The following CDH2 variants were observed in gnomAD, a reference collection of about 807,000 sequenced individuals.
CDH2 encodes cadherin-2.
A neutral mutation model predicts 92.0 loss-of-function variants in CDH2; 17 were observed. The ratio of observed to expected loss-of-function variants is 0.18; its 90% CI spans 0.13 to 0.28. The LOEUF (loss-of-function observed/expected upper bound fraction) is 0.28, where lower values mean the gene tolerates loss of function less well. Among genes scored for constraint, CDH2 ranks in the 10% least tolerant of loss-of-function variants. The pLI is 1.00. For missense variants in CDH2, 862 were observed against 1,133.1 expected, an observed-to-expected ratio of 0.76 and a Z score of 3.44; for synonymous variants, 419 against 415.9, an observed-to-expected ratio of 1.01 and a Z score of -0.09.
At chr18:28,010,476 C>T (rs1296253764) in intron 4 of CDH2, among the ~76,000 whole-genome samples, 3 of 152,042 alleles carry the variant, frequency 2.0e-5, no homozygotes, top group Admixed American at 1.3e-4. Flanking sequence ...TTTTTATGCT[C>T]GCAAACATTA....
intron 14 of CDH2, among the ~76,000 whole-genome samples, chr18:27,978,556 T>A (rs2011928128): frequency 1.3e-5 from 2 of 150,628 alleles, no homozygotes; most frequent in African/African-American, 4.9e-5. Context: ...AGATAAATTA[T>A]GGACTTAATA....
chr18:28,157,990 A>G (rs1452586095), intron 1 of CDH2, among the ~76,000 whole-genome samples: 2 of 152,170 alleles, frequency 1.3e-5, no homozygotes, highest in East Asian at 3.9e-4. Context: ...AACTCTTTAT[A>G]CACTTTATTT....
At chr18:28,150,321 A>G (rs2016101869) in intron 1 of CDH2, among the ~76,000 whole-genome samples, 1 of 152,230 alleles carries the variant, frequency 6.6e-6, no homozygotes, top group Non-Finnish European at 1.5e-5. Context: ...GTAGTAGAGT[A>G]TGCGGGTTTG....
At chr18:27,953,498 C>A (rs1200099080) in intron 15 of CDH2, among the ~76,000 whole-genome samples, 1 of 152,020 alleles carries the variant, frequency 6.6e-6, no homozygotes, top group Non-Finnish European at 1.5e-5. Context: ...ATGGCCTCAC[C>A]TATCTAAGAT....
At chr18:28,008,404 G>A (rs1941180) in intron 5 of CDH2, among the ~76,000 whole-genome samples, 25,799 of 152,100 alleles carry the variant, frequency 0.17, 2,460 homozygotes, top group South Asian at 0.3. Flanking sequence ...AGGTCTTTGG[G>A]AAGAGAAAGT....
At position 28,158,101 on chromosome 18, in the gene CDH2, G is replaced by A. The variant is rs141982627; in HGVS notation, c.61-10317C>T. On this transcript the variant is annotated intron_variant, in intron 1 of 15. Coordinates refer to ENST00000269141, the MANE Select transcript of CDH2 (RefSeq NM_001792.5). ...ATGGTTACAGATGTTTACAGTCCCC[G>A]GAACTCTGATTTAATTTGAGTAGCT... 8.1e-4 allele frequency among the ~76,000 whole-genome samples: 123 copies of A among 152,208 alleles called. 1 individual carries two copies. In the East Asian group the frequency reaches 0.02, roughly 25 times the overall value.
intron 14 of CDH2, among the ~76,000 whole-genome samples, chr18:27,971,788 T>C (rs537113350): frequency 2.8e-4 from 43 of 152,348 alleles, no homozygotes; most frequent in Admixed American, 1.5e-3. Flanking sequence ...TAACAAAGCA[T>C]GCTTTAGCCA....
chr18:28,023,346 CAG>C (rs1282182145), intron 2 of CDH2, among the ~76,000 whole-genome samples: 3 of 152,112 alleles, frequency 2.0e-5, no homozygotes, highest in African/African-American at 4.8e-5. Flanking sequence ...CATTTTGAGA[CAG>C]AGTCTTGCTT....
chr18:28,117,063 G>A (rs1410286906), intron 2 of CDH2, among the ~76,000 whole-genome samples: 1 of 151,950 alleles, frequency 6.6e-6, no homozygotes, highest in Admixed American at 6.6e-5. Flanking sequence ...TCTAATTTTT[G>A]AAGTTTGAGA....
chr18:28,167,747 C>A (rs1249619329), intron 1 of CDH2, among the ~76,000 whole-genome samples: 1 of 152,028 alleles, frequency 6.6e-6, no homozygotes, highest in Non-Finnish European at 1.5e-5. Flanking sequence ...TTGACACTTC[C>A]ATAAAGTAAA....
intron 2 of CDH2, among the ~76,000 whole-genome samples, chr18:28,144,956 C>T (rs1166905678): frequency 6.6e-6 from 1 of 151,960 alleles, no homozygotes; most frequent in East Asian, 1.9e-4. Flanking sequence ...CTCTTTAAAC[C>T]ACAGTCCAGT....
intron 6 of CDH2, among the ~76,000 whole-genome samples, chr18:27,941,579 T>C (rs1197335604): frequency 6.6e-6 from 1 of 152,182 alleles, no homozygotes; most frequent in African/African-American, 2.4e-5. Flanking sequence ...GCCCTGTATA[T>C]CCAGTTATTA....
In CDH2 at chr18:27,990,349, G is replaced by A. The variant is rs776502285; in HGVS notation, c.1346C>T (p.Pro449Leu). The change falls in exon 10 of 16, where the codon CCA becomes CTA. Residue 449 changes from proline to leucine, a missense_variant and splice_region_variant. This residue lies in a region of CDH2 where 564 missense variants were observed against 722.2 expected (regional missense o/e 0.78). Coordinates refer to ENST00000269141, the MANE Select transcript of CDH2 (RefSeq NM_001792.5). ...CATCCTATTTGTTTCAAAGTCGATTGGCTGGAAAATAAAAGGGAAGCCATA... is the reference window on the plus strand; with the variant it reads ...CATCCTATTTGTTTCAAAGTCGATTAGCTGGAAAATAAAAGGGAAGCCATA... ...SNDGLVTVVK[P>L]IDFETNRMFV... 1 of 1,605,258 alleles carries A rather than the reference G, an allele frequency of 6.2e-7. No homozygotes were observed. Among genetic ancestry groups the A allele is most frequent in the Non-Finnish European group, 8.5e-7 (1 of 1,173,652 alleles).
chr18:28,003,868 A>G (rs1567959488), intron 6 of CDH2, among the ~76,000 whole-genome samples: 1 of 152,224 alleles, frequency 6.6e-6, no homozygotes, highest in Non-Finnish European at 1.5e-5. Flanking sequence ...TCTGTAATTT[A>G]GAAGTAGAGT....
rs551828241 is a variant in CDH2 at position 28,025,732 on chromosome 18, A to C, written c.173-11823T>G. 1.1e-3 allele frequency among the ~76,000 whole-genome samples: 161 copies of C among 151,898 alleles called. 5 individuals are homozygous for C. Among genetic ancestry groups the C allele is most frequent in the African/African-American group, 3.8e-3 (156 of 41,498 alleles). ...ACCATAGCCATCACTTTAAATATTT[A>C]TGAGTTAGGAAGAATGAGTTTCGTG... On this transcript the variant is annotated intron_variant, in intron 2 of 15. Transcript: ENST00000269141.
At chr18:27,966,621 A>G (rs1269627600) in intron 14 of CDH2, among the ~76,000 whole-genome samples, 1 of 152,228 alleles carries the variant, frequency 6.6e-6, no homozygotes, top group Non-Finnish European at 1.5e-5. Flanking sequence ...GAGATCTTAC[A>G]TTCTGACAAC....
At chr18:27,952,435 G>T (rs1909507267) in intron 15 of CDH2, 76 bp from the exon 16 acceptor site, 1 of 1,092,364 alleles carries the variant, frequency 9.2e-7, no homozygotes, top group Non-Finnish European at 1.4e-6. Flanking sequence ...AGATCCTAAT[G>T]AATTCACGGG....
intron 14 of CDH2, among the ~76,000 whole-genome samples, chr18:27,964,165 A>C (rs547408592): frequency 6.6e-6 from 1 of 152,290 alleles, no homozygotes; most frequent in African/African-American, 2.4e-5. Flanking sequence ...ACTGAGGAAA[A>C]GTTTGCTGAC....
At chr18:28,095,793 G>T in intron 2 of CDH2, among the ~76,000 whole-genome samples, 1 of 114,972 alleles carries the variant, frequency 8.7e-6, no homozygotes. Context: ...CTGGGCAATA[G>T]GATGCAACTC....
Sources: gnomAD v4.1 joint callset for allele counts (sites outside exome capture counted in the v4.1 genomes callset) on GRCh38, gnomAD v4.1.1 for gene constraint, gnomAD v4.1.1 regional missense constraint, MANE v1.5 for transcripts, NCBI Gene and HGNC (gene_info 2026-07-23, HGNC 2026-07-21) for gene names.